Variants in RIN2 observed in about 807,000 individuals in gnomAD.
The protein encoded by RIN2 is RAB5 interacting protein 2.
RIN2 carries 36 observed loss-of-function variants against 78.0 expected under a neutral mutation model. That is an observed-to-expected ratio of 0.46 (90% CI 0.35 to 0.61). The LOEUF is 0.61. RIN2 is among the 20% of genes least tolerant of loss of function. The probability of loss-of-function intolerance (pLI) is 0.00; values close to 1 mark genes in which losing one functional copy is unlikely to be tolerated. For missense variants in RIN2, 1,087 were observed against 1,159.7 expected, an observed-to-expected ratio of 0.94 and a Z score of 0.91; for synonymous variants, 466 against 466.8, an observed-to-expected ratio of 1.00 and a Z score of 0.02.
At chr20:19,888,203 A>G (rs1251090758) in intron 2 of RIN2, among the ~76,000 whole-genome samples, 1 of 152,016 alleles carries the variant, frequency 6.6e-6, no homozygotes, top group Non-Finnish European at 1.5e-5. Flanking sequence ...CAAAGAGACG[A>G]TGGTTCTGGA....
At chr20:19,865,386 A>G (rs1278270338) in intron 2 of RIN2, among the ~76,000 whole-genome samples, 2 of 152,208 alleles carry the variant, frequency 1.3e-5, no homozygotes, top group Non-Finnish European at 2.9e-5. Flanking sequence ...AAACTGCCCA[A>G]TAAAACTGTA....
At chr20:19,989,846 A>G (rs1450343543) in intron 9 of RIN2, among the ~76,000 whole-genome samples, 160 bp from the exon 10 acceptor site, 8 of 152,236 alleles carry the variant, frequency 5.3e-5, no homozygotes, top group Admixed American at 3.3e-4. Context: ...CATGTGAGTT[A>G]TGGCGCTGCT....
At chr20:19,866,915 A>G (rs749005201) in intron 2 of RIN2, among the ~76,000 whole-genome samples, 10 of 152,188 alleles carry the variant, frequency 6.6e-5, no homozygotes, top group East Asian at 1.9e-4. Flanking sequence ...GTGAGCCACC[A>G]TACCTGGCCA....
At chr20:19,901,813 T>C (rs1240755919) in intron 3 of RIN2, among the ~76,000 whole-genome samples, 5 of 152,028 alleles carry the variant, frequency 3.3e-5, no homozygotes, top group African/African-American at 9.7e-5. Context: ...GGTTAGGTGT[T>C]TGAGACCAGC....
At chr20:19,931,310 T>TA (rs57461981) in intron 3 of RIN2, among the ~76,000 whole-genome samples, 1 of 150,642 alleles carries the variant, frequency 6.6e-6, no homozygotes, top group East Asian at 2.0e-4. Context: ...ATTTTATTTT[T>TA]AAAAAAACTT....
chr20:19,795,723 A>C (rs756298213), intron 1 of RIN2, among the ~76,000 whole-genome samples: 14 of 152,148 alleles, frequency 9.2e-5, no homozygotes, highest in Non-Finnish European at 1.9e-4. Flanking sequence ...CAAATTGGAA[A>C]TATGTCCTAG....
chr20:19,798,239 G>A (rs545645368), intron 1 of RIN2, among the ~76,000 whole-genome samples: 2 of 152,282 alleles, frequency 1.3e-5, no homozygotes, highest in African/African-American at 4.8e-5. Context: ...CCCAGGTTAA[G>A]TAATTTACCT....
intron 2 of RIN2, among the ~76,000 whole-genome samples, chr20:19,885,269 G>C (rs538342257): frequency 4.1e-4 from 62 of 152,302 alleles, no homozygotes; most frequent in African/African-American, 1.3e-3. Flanking sequence ...AGATTGGGCC[G>C]ATGTTGGTCA....
chr20:19,945,522 G>A (rs2041055378), intron 4 of RIN2, among the ~76,000 whole-genome samples: 1 of 152,130 alleles, frequency 6.6e-6, no homozygotes, highest in Non-Finnish European at 1.5e-5. Context: ...GGCCACTTTT[G>A]TTGGAATCCT....
At chr20:19,934,164 A>G (rs374351166) in intron 3 of RIN2, among the ~76,000 whole-genome samples, 7 of 152,340 alleles carry the variant, frequency 4.6e-5, no homozygotes, top group African/African-American at 1.7e-4. Flanking sequence ...TATGGATCAT[A>G]TCTATAAATA....
In RIN2 at chr20:19,863,818, A is replaced by G. The variant is rs58363216; in HGVS notation, c.-36-25748A>G. Reference sequence around the variant, plus strand: ...TTCTGCTGTTATAAAACTGCGGTTCATCGGTAGAAAGCAAAGATGACCATA... The same window carrying G: ...TTCTGCTGTTATAAAACTGCGGTTCGTCGGTAGAAAGCAAAGATGACCATA... On this transcript the variant is annotated intron_variant, in intron 2 of 12. Transcript: ENST00000255006. Among the ~76,000 whole-genome samples the G allele has an allele frequency of 6.6e-3, 1,005 of 152,264 alleles. 16 individuals carry two copies. The highest frequency in any genetic ancestry group is 0.022 in the African/African-American group (930 of 41,544).
Position 19,992,259 on chromosome 20 carries a change from C to T in RIN2, c.2160C>T (p.Tyr720=), listed in dbSNP as rs1253230969. The change falls in exon 11 of 13, where the codon TAC becomes TAT. Residue 720 remains tyrosine (Y), a synonymous_variant. Coordinates refer to ENST00000255006, the MANE Select transcript of RIN2 (RefSeq NM_018993.4). ...DMLELDTEIE[Y]MMELLDPSLL... is the part of the protein sequence containing the mutation. ...TTGAATTGGACACTGAAATCGAGTA[C>T]ATGATGGAGCTCCTAGACCCATCGC... is the stretch of plus-strand genomic sequence containing the variant. 4 of 1,590,246 alleles carry T rather than the reference C, an allele frequency of 2.5e-6. No individual in the cohort carries two copies. The highest frequency in any genetic ancestry group is 4.5e-5 in the East Asian group (2 of 44,306).
chr20:19,767,209 T>C (rs970518074), intron 1 of RIN2, among the ~76,000 whole-genome samples: 3 of 152,142 alleles, frequency 2.0e-5, no homozygotes, highest in African/African-American at 2.4e-5. Flanking sequence ...AACAGTCTGA[T>C]TGAGTGCGAA....
chr20:19,988,456 C>T (rs1313781662), intron 9 of RIN2, among the ~76,000 whole-genome samples: 1 of 152,090 alleles, frequency 6.6e-6, no homozygotes, highest in Non-Finnish European at 1.5e-5. Flanking sequence ...GTAAGTGGAC[C>T]CATTGGCTTC....
chr20:19,918,293 G>T (rs1038087606), intron 3 of RIN2, among the ~76,000 whole-genome samples: 1 of 151,968 alleles, frequency 6.6e-6, no homozygotes, highest in African/African-American at 2.4e-5. Flanking sequence ...TAGATGGATA[G>T]CTGTAAACTT....
intron 2 of RIN2, among the ~76,000 whole-genome samples, chr20:19,834,893 A>C (rs919853412): frequency 6.6e-6 from 1 of 151,710 alleles, no homozygotes; most frequent in African/African-American, 2.4e-5. Flanking sequence ...GCAATAAGCC[A>C]AGAGCAAGCC....
chr20:19,878,536 C>G (rs1251804107), intron 2 of RIN2, among the ~76,000 whole-genome samples: 1 of 152,182 alleles, frequency 6.6e-6, no homozygotes, highest in African/African-American at 2.4e-5. Flanking sequence ...CTCGTAAAGG[C>G]ACATTTGTCG....
At chr20:19,984,395 C>G (rs555080165) in intron 9 of RIN2, among the ~76,000 whole-genome samples, 1 of 152,162 alleles carries the variant, frequency 6.6e-6, no homozygotes, top group Non-Finnish European at 1.5e-5. Flanking sequence ...ACAGTGTAGG[C>G]AACTGTAACA....
chr20:19,895,914 C>A (rs1278672641), intron 3 of RIN2: 1 of 152,206 alleles, frequency 6.6e-6, no homozygotes, highest in Non-Finnish European at 1.5e-5. Context: ...TTGGTCTCTT[C>A]TTGGCATTTG....
Sources: gnomAD v4.1 joint callset for allele counts (sites outside exome capture counted in the v4.1 genomes callset) on GRCh38, gnomAD v4.1.1 for gene constraint, MANE v1.5 for transcripts, NCBI Gene and HGNC (gene_info 2026-07-23, HGNC 2026-07-21) for gene names.